The following PRKCI variants were observed in gnomAD, a reference collection of about 807,000 sequenced individuals.
PRKCI encodes protein kinase C iota.
Under a neutral mutation model 84.0 loss-of-function variants are expected in PRKCI, and 43 were observed. The observed-to-expected ratio is 0.51, with a 90% confidence interval of 0.40 to 0.66. PRKCI has a LOEUF of 0.66. PRKCI is among the 30% of genes least tolerant of loss of function. The pLI is 0.00. For synonymous variants in PRKCI, 216 were observed against 234.4 expected, an observed-to-expected ratio of 0.92 and a Z score of 0.72; for missense variants, 459 against 745.6, an observed-to-expected ratio of 0.62 and a Z score of 4.48.
intron 2 of PRKCI, among the ~76,000 whole-genome samples, chr3:170,258,378 T>C (rs1385020233): frequency 6.6e-6 from 1 of 151,808 alleles, no homozygotes; most frequent in Non-Finnish European, 1.5e-5. Context: ...CAATCTTGAC[T>C]CACTACACCC....
intron 3 of PRKCI, among the ~76,000 whole-genome samples, chr3:170,261,472 A>AC (rs1350296480): frequency 2.0e-5 from 3 of 150,918 alleles, no homozygotes; most frequent in African/African-American, 7.3e-5. Flanking sequence ...AAAAAAAAAA[A>AC]AAACAGTGGT....
intron 13 of PRKCI, 110 bp from the exon 14 acceptor site, chr3:170,293,273 A>G (rs1460289641): frequency 1.9e-6 from 2 of 1,078,890 alleles, no homozygotes; most frequent in Non-Finnish European, 2.6e-6. Context: ...GAATGCATTT[A>G]GAGTTTACTT....
At chr3:170,225,083 T>C (rs1732594659) in intron 1 of PRKCI, among the ~76,000 whole-genome samples, 1 of 152,224 alleles carries the variant, frequency 6.6e-6, no homozygotes, top group African/African-American at 2.4e-5. Context: ...ACAGCTTCTT[T>C]AGTGTTTGAC....
intron 8 of PRKCI, among the ~76,000 whole-genome samples, chr3:170,275,511 T>C (rs531160447): frequency 2.6e-4 from 39 of 152,242 alleles, no homozygotes; most frequent in Admixed American, 1.1e-3. Context: ...CATTTTAAAA[T>C]AGCTTAATCT....
At chr3:170,274,626 T>C (rs1734073015) in intron 7 of PRKCI, among the ~76,000 whole-genome samples, 1 of 152,096 alleles carries the variant, frequency 6.6e-6, no homozygotes, top group South Asian at 2.1e-4. Flanking sequence ...TTCTCTGGAC[T>C]AAATCAAGAA....
rs1734260093 is a variant in PRKCI, at chr3:170,281,948, A to C, written c.1047A>C (p.Lys349Asn). ...DLMFHMQRQRKLPEEHARFYS... is the reference protein window; with the variant it reads ...DLMFHMQRQRNLPEEHARFYS... ...TGTTTCATATGCAGCGACAAAGAAAACTTCCTGAAGAACATGCCAGGTGAG... is the reference window on the plus strand; with the variant it reads ...TGTTTCATATGCAGCGACAAAGAAACCTTCCTGAAGAACATGCCAGGTGAG... Residue 349 changes from lysine to asparagine, a missense_variant, in exon 11 of 18, where the codon AAA becomes AAC. Physicochemically the swap from Lys to Asn is moderately conservative, Grantham distance 94. This residue lies in a region of PRKCI where 209 missense variants were observed against 425.9 expected (regional missense o/e 0.49). Transcript: ENST00000295797. 1 of 1,611,554 alleles carries C rather than the reference A, an allele frequency of 6.2e-7. No homozygotes were observed. Among genetic ancestry groups the C allele is most frequent in the African/African-American group, 1.3e-5 (1 of 74,854 alleles).
In PRKCI at chr3:170,303,866, A is replaced by G. The variant is rs56925937; in HGVS notation, c.*739A>G. ...ACAAAAATTAGCTGGGCATGGTGGC[A>G]CATACCTGTAATCCCAGCTACTCGG... is the stretch of plus-strand genomic sequence containing the variant. On this transcript the variant is annotated 3_prime_UTR_variant, in exon 18 of 18. Transcript: ENST00000295797. The G allele has an allele frequency of 3.4e-4, 59 of 174,048 alleles. No individual in the cohort carries two copies. Among genetic ancestry groups the G allele is most frequent in the East Asian group, 3.1e-3 (30 of 9,748 alleles). 10.8% of individuals were successfully genotyped at this position (174,048 alleles called of 1,614,324 possible). A position where few individuals can be genotyped will look rare whatever the true frequency, so the allele number is the denominator to read the frequency against.
Position 170,303,861 on chromosome 3 carries a change from G to T in PRKCI, c.*734G>T. 1 of 174,636 alleles carries T rather than the reference G, an allele frequency of 5.7e-6. No homozygotes were observed. The highest frequency in any genetic ancestry group is 2.0e-4 in the South Asian group (1 of 5,006). The allele number at this position is 174,636 out of a possible 1,614,324, so 10.8% of individuals were successfully genotyped here. A position where few individuals can be genotyped will look rare whatever the true frequency, so the allele number is the denominator to read the frequency against. On this transcript the variant is annotated 3_prime_UTR_variant, in exon 18 of 18. Transcript: ENST00000295797. ...AAAATACAAAAATTAGCTGGGCATGGTGGCACATACCTGTAATCCCAGCTA... is the reference window on the plus strand; with the variant it reads ...AAAATACAAAAATTAGCTGGGCATGTTGGCACATACCTGTAATCCCAGCTA...
chr3:170,248,572 G>T (rs1249374930), intron 2 of PRKCI, among the ~76,000 whole-genome samples: 1 of 152,066 alleles, frequency 6.6e-6, no homozygotes, highest in African/African-American at 2.4e-5. Flanking sequence ...TCACGCTTAT[G>T]CATTGAGTTT....
intron 5 of PRKCI, among the ~76,000 whole-genome samples, chr3:170,268,479 CAAA>C (rs77046182): frequency 7.5e-5 from 5 of 66,704 alleles, no homozygotes; most frequent in Non-Finnish European, 1.0e-4. Flanking sequence ...GACTCAGTTT[CAAA>C]AAAAAAAAAA....
intron 2 of PRKCI, 24 bp from the exon 3 acceptor site, chr3:170,259,945 T>TG: frequency 6.6e-7 from 1 of 1,522,264 alleles, no homozygotes; most frequent in Non-Finnish European, 9.0e-7. Context: ...AAAGTGACCT[T>TG]TACTTTACTT....
chr3:170,227,015 G>A (rs981969308), intron 1 of PRKCI, among the ~76,000 whole-genome samples: 4 of 152,186 alleles, frequency 2.6e-5, no homozygotes, highest in Non-Finnish European at 4.4e-5. Flanking sequence ...AGAGTCTGGC[G>A]AGGCCAGAAC....
intron 2 of PRKCI, among the ~76,000 whole-genome samples, chr3:170,235,976 G>A (rs1157609588): frequency 6.6e-6 from 1 of 151,494 alleles, no homozygotes; most frequent in Non-Finnish European, 1.5e-5. Context: ...TTTAAAGACA[G>A]GGTCTTGCTA....
chr3:170,297,727 A>G (rs1253196888), intron 16 of PRKCI, among the ~76,000 whole-genome samples: 1 of 151,840 alleles, frequency 6.6e-6, no homozygotes, highest in Non-Finnish European at 1.5e-5. Context: ...AAGTGCTGGG[A>G]TTACAGATGT....
chr3:170,225,768 A>AT (rs35726829), intron 1 of PRKCI, among the ~76,000 whole-genome samples: 174 of 151,312 alleles, frequency 1.1e-3, no homozygotes, highest in African/African-American at 4.0e-3. Context: ...AATAGCCAGC[A>AT]TTTTTTTTAG....
intron 2 of PRKCI, among the ~76,000 whole-genome samples, chr3:170,235,707 A>G (rs959460352): frequency 6.6e-6 from 1 of 151,886 alleles, no homozygotes; most frequent in Non-Finnish European, 1.5e-5. Flanking sequence ...CTGGGACTAC[A>G]AGTGTGCACC....
chr3:170,259,080 G>T (rs1475680126), intron 2 of PRKCI, among the ~76,000 whole-genome samples: 1 of 151,964 alleles, frequency 6.6e-6, no homozygotes, highest in Admixed American at 6.6e-5. Context: ...GGAGGCGGAG[G>T]TTGCAGTGGG....
intron 17 of PRKCI, among the ~76,000 whole-genome samples, chr3:170,302,215 T>C (rs1734839762): frequency 1.3e-5 from 2 of 152,208 alleles, no homozygotes; most frequent in Admixed American, 1.3e-4. Flanking sequence ...TCCACCCTAA[T>C]TACTTGCATT....
chr3:170,288,520 A>T (rs9874690), intron 12 of PRKCI, among the ~76,000 whole-genome samples: 7,172 of 152,224 alleles, frequency 0.047, 552 homozygotes, highest in African/African-American at 0.16. Flanking sequence ...AGGCCAAGGC[A>T]GGCGGATTAC....
Sources: allele counts gnomAD v4.1 joint callset (sites outside exome capture counted in the v4.1 genomes callset), GRCh38; gene constraint gnomAD v4.1.1; regional missense constraint gnomAD v4.1.1; transcripts MANE v1.5; gene names NCBI Gene and HGNC (gene_info 2026-07-23, HGNC 2026-07-21).